CTNNA1: variants seen among roughly 807,000 people sequenced by gnomAD.
CTNNA1 encodes catenin alpha 1, also known as catenin alpha-1.
CTNNA1 carries 37 observed loss-of-function variants against 98.4 expected under a neutral mutation model. The observed-to-expected ratio is 0.38, with a 90% CI of 0.29 to 0.49. The LOEUF (loss-of-function observed/expected upper bound fraction) is 0.49. Among genes scored for constraint, CTNNA1 ranks in the 20% least tolerant of loss-of-function variants. CTNNA1 has a pLI of 0.95. For missense variants in CTNNA1, 761 were observed against 1,147.2 expected, an observed-to-expected ratio of 0.66 and a Z score of 4.86; for synonymous variants, 404 against 413.2, an observed-to-expected ratio of 0.98 and a Z score of 0.27.
chr5:138,769,960 C>T (rs1453460810), intron 1 of CTNNA1, among the ~76,000 whole-genome samples: 1 of 152,100 alleles, frequency 6.6e-6, no homozygotes, highest in African/African-American at 2.4e-5. Context: ...GATTCTCCTG[C>T]CTCAGCCTCC....
chr5:138,791,974 T>C (rs1052024824), intron 3 of CTNNA1, among the ~76,000 whole-genome samples: 4 of 152,102 alleles, frequency 2.6e-5, no homozygotes, highest in Non-Finnish European at 5.9e-5. Context: ...TTTAAATCTT[T>C]AAAGCATGAA....
At chr5:138,823,952 G>T (rs1760335904) in intron 5 of CTNNA1, among the ~76,000 whole-genome samples, 2 of 27,180 alleles carry the variant, frequency 7.4e-5, no homozygotes, top group South Asian at 2.6e-3. Flanking sequence ...GCGAGACTCC[G>T]TCTCAAAAAA....
intron 7 of CTNNA1, among the ~76,000 whole-genome samples, chr5:138,829,236 A>G (rs142872536): frequency 6.6e-6 from 1 of 152,268 alleles, no homozygotes; most frequent in African/African-American, 2.4e-5. Flanking sequence ...TGTGGGACAC[A>G]TTTAAAAATC....
chr5:138,829,064 G>A (rs1335012432), intron 7 of CTNNA1, among the ~76,000 whole-genome samples: 1 of 152,164 alleles, frequency 6.6e-6, no homozygotes, highest in African/African-American at 2.4e-5. Context: ...TGTGGCTACA[G>A]TGAACCATGG....
At chr5:138,778,274 G>A (rs1404624565) in intron 1 of CTNNA1, among the ~76,000 whole-genome samples, 1 of 152,084 alleles carries the variant, frequency 6.6e-6, no homozygotes, top group Non-Finnish European at 1.5e-5. Flanking sequence ...GATTACAGAC[G>A]TGAGCCTCCG....
Position 138,810,147 on chromosome 5 carries a change from G to T in CTNNA1, c.411G>T (p.Arg137=). 6.2e-7 allele frequency: 1 copy of T among 1,614,148 alleles called. No homozygotes were observed. The highest frequency in any genetic ancestry group is 8.5e-7 in the Non-Finnish European group (1 of 1,180,016). ...AARALLSAVT[R]LLILADMADV... is the part of the protein sequence containing the mutation. ...GAGCTTTGCTCTCTGCTGTTACCCG[G>T]TTGCTGATTTTGGCTGACATGGCAG... The change falls in exon 4 of 18, where the codon CGG becomes CGT. Residue 137 remains arginine, a synonymous_variant. Transcript: ENST00000302763.
chr5:138,812,096 A>T, intron 4 of CTNNA1, 87 bp from the exon 5 acceptor site: 1 of 1,256,292 alleles, frequency 8.0e-7, no homozygotes, highest in Non-Finnish European at 1.1e-6. Context: ...AGTAGTTGTT[A>T]ACAGGAATGA....
intron 7 of CTNNA1, among the ~76,000 whole-genome samples, chr5:138,843,322 AT>A (rs576104748): frequency 2.7e-4 from 41 of 149,348 alleles, no homozygotes; most frequent in South Asian, 6.3e-4. Flanking sequence ...ACTCATAATA[AT>A]TTTTTTTTTT....
chr5:138,884,573 A>G (rs1054686143), intron 7 of CTNNA1, among the ~76,000 whole-genome samples: 2 of 152,212 alleles, frequency 1.3e-5, no homozygotes, highest in Admixed American at 6.5e-5. Context: ...AGGGCCTGCT[A>G]TCTGTCATGT....
At chr5:138,847,310 C>T (rs865820616) in intron 7 of CTNNA1, among the ~76,000 whole-genome samples, 91 of 152,188 alleles carry the variant, frequency 6.0e-4, no homozygotes, top group Middle Eastern at 3.4e-3. Context: ...TCCCTCCCTC[C>T]CTGTCTCCTT....
intron 11 of CTNNA1, among the ~76,000 whole-genome samples, chr5:138,923,427 A>C (rs1763332001): frequency 6.6e-6 from 1 of 152,208 alleles, no homozygotes; most frequent in African/African-American, 2.4e-5. Context: ...ATAGAGACCA[A>C]AATATGGTCT....
At chr5:138,850,062 GA>G (rs1448601352) in intron 7 of CTNNA1, among the ~76,000 whole-genome samples, 1 of 152,074 alleles carries the variant, frequency 6.6e-6, no homozygotes, top group Non-Finnish European at 1.5e-5. Context: ...TATTATACTT[GA>G]TTGTGAAATA....
chr5:138,871,331 A>G (rs1750581000), intron 7 of CTNNA1: 1 of 152,244 alleles, frequency 6.6e-6, no homozygotes, highest in East Asian at 1.9e-4. Context: ...AGTTAGTGCT[A>G]TAATTTTACA....
intron 7 of CTNNA1, chr5:138,880,823 A>G (rs1752729625): frequency 3.1e-6 from 1 of 320,034 alleles, no homozygotes; most frequent in South Asian, 2.7e-5. Flanking sequence ...GTTAGTTTGC[A>G]TGTTTGTTGG....
chr5:138,833,747 A>G (rs966995899), intron 7 of CTNNA1, among the ~76,000 whole-genome samples: 8 of 152,228 alleles, frequency 5.3e-5, no homozygotes, highest in African/African-American at 1.7e-4. Flanking sequence ...CATAGTAGCT[A>G]TTATAACTTG....
intron 7 of CTNNA1, chr5:138,828,369 A>AG (rs1465503681): frequency 7.4e-6 from 1 of 136,038 alleles, no homozygotes; most frequent in Non-Finnish European, 1.6e-5. Context: ...TTTGATACCC[A>AG]CTTTTTTTTT....
intron 1 of CTNNA1, among the ~76,000 whole-genome samples, chr5:138,776,782 C>T (rs1295455328): frequency 2.7e-5 from 4 of 147,242 alleles, no homozygotes; most frequent in Admixed American, 6.7e-5. Flanking sequence ...CCGGACGGGG[C>T]GGCTGGCCAG....
At chr5:138,766,644 C>T (rs929647750) in intron 1 of CTNNA1, among the ~76,000 whole-genome samples, 1 of 151,948 alleles carries the variant, frequency 6.6e-6, no homozygotes, top group African/African-American at 2.4e-5. Context: ...AGGCTAGAGT[C>T]TCATTCTAGG....
chr5:138,841,265 T>TATG (rs1561581913), intron 7 of CTNNA1, among the ~76,000 whole-genome samples: 11 of 151,954 alleles, frequency 7.2e-5, no homozygotes, highest in East Asian at 1.9e-4. Context: ...ATGTATGTAT[T>TATG]TATTTATTTT....
Sources: allele counts gnomAD v4.1 joint callset (sites outside exome capture counted in the v4.1 genomes callset), GRCh38; gene constraint gnomAD v4.1.1; transcripts MANE v1.5; gene names NCBI Gene and HGNC (gene_info 2026-07-23, HGNC 2026-07-21).